The following TENT4A variants were observed in gnomAD, a reference collection of about 807,000 sequenced individuals.
TENT4A encodes the protein terminal nucleotidyltransferase 4A, also known as DNA polymerase kappa.
A neutral mutation model predicts 72.8 loss-of-function variants in TENT4A; 7 were observed. The ratio of observed to expected loss-of-function variants is 0.10; its 90% confidence interval spans 0.05 to 0.18. TENT4A has a LOEUF of 0.18. Among genes scored for constraint, TENT4A ranks in the 10% least tolerant of loss-of-function variants. TENT4A has a pLI of 1.00. For synonymous variants in TENT4A, 456 were observed against 434.3 expected (o/e 1.05, Z -0.62); for missense variants, 831 against 1,017.7 (o/e 0.82, Z 2.50).
chr5:6,739,680 G>A, intron 3 of TENT4A, 52 bp from the exon 4 acceptor site: 3 of 1,607,846 alleles, frequency 1.9e-6, no homozygotes, highest in Non-Finnish European at 2.6e-6. Context: ...CCACACGAGT[G>A]TGTAGGCTGT....
At chr5:6,717,892 T>A (rs1740465109) in intron 1 of TENT4A, among the ~76,000 whole-genome samples, 1 of 152,208 alleles carries the variant, frequency 6.6e-6, no homozygotes, top group African/African-American at 2.4e-5. Flanking sequence ...GAGTCTTGCA[T>A]AAGTGAGAGT....
rs545061609 is a variant in TENT4A, at chr5:6,755,531, G to A, written c.*586G>A. On this transcript the variant is annotated 3_prime_UTR_variant, in exon 13 of 13. Coordinates refer to ENST00000230859, the MANE Select transcript of TENT4A (RefSeq NM_006999.6). The stretch of plus-strand genomic sequence containing the variant: ...AGGGAATTTTTTTTAAACAAGCTTA[G>A]GTCCTTTCCCGAGCTGCATTTTCTA... 6.5e-6 allele frequency: 1 copy of A among 152,758 alleles called. No individual in the cohort carries two copies. The highest frequency in any genetic ancestry group is 6.5e-5 in the Admixed American group (1 of 15,312). 9.5% of individuals were successfully genotyped at this position (152,758 alleles called of 1,614,324 possible).
At chr5:6,722,440 T>TG (rs1241414821) in intron 1 of TENT4A, among the ~76,000 whole-genome samples, 1 of 151,638 alleles carries the variant, frequency 6.6e-6, no homozygotes, top group Non-Finnish European at 1.5e-5. Context: ...GTCTTGGGAG[T>TG]GGGGGGCTAG....
chr5:6,740,847 C>T (rs1385743273), intron 4 of TENT4A, among the ~76,000 whole-genome samples: 2 of 152,240 alleles, frequency 1.3e-5, no homozygotes, highest in African/African-American at 4.8e-5. Context: ...TTCTCAAATG[C>T]TTACGGGCCT....
intron 9 of TENT4A, 115 bp downstream of exon 9, chr5:6,749,772 G>C (rs755392056): frequency 1.0e-4 from 72 of 702,216 alleles, no homozygotes; most frequent in Non-Finnish European, 1.8e-4. Context: ...TAGTTTTTCT[G>C]ATGAGCATTA....
chr5:6,714,012 C>T lies in TENT4A; in HGVS notation c.29C>T (p.Pro10Leu). The T allele has an allele frequency of 2.0e-6, 2 of 983,442 alleles. No individual in the cohort carries two copies. The highest frequency in any genetic ancestry group is 1.8e-5 in the African/African-American group (1 of 56,684). 60.9% of individuals were successfully genotyped at this position (983,442 alleles called of 1,614,324 possible). A position where few individuals can be genotyped will look rare whatever the true frequency, so the allele number is the denominator to read the frequency against. Residue 10 changes from proline to leucine, a missense_variant, in exon 1 of 13, where the codon CCC (proline) becomes CTC (leucine). By Grantham distance (98) the Pro-to-Leu change is moderately conservative (BLOSUM62 -3). This residue lies in a region of TENT4A where 302 missense variants were observed against 293.8 expected (regional missense o/e 1.03). Transcript: ENST00000230859. Reference sequence around the variant, plus strand: ...GATCCGCGCGTGGCCTGGATCCAGCCCGAGCAGAAGGGGCCGGCCAATGCC... The same window carrying T: ...GATCCGCGCGTGGCCTGGATCCAGCTCGAGCAGAAGGGGCCGGCCAATGCC... The part of the protein sequence containing the change: MDPRVAWIQ[P>L]EQKGPANALW...
At chr5:6,721,010 A>T (rs1740622054) in intron 1 of TENT4A, among the ~76,000 whole-genome samples, 1 of 152,198 alleles carries the variant, frequency 6.6e-6, no homozygotes, top group African/African-American at 2.4e-5. Flanking sequence ...TAGGAGGCAC[A>T]AGAAAACTCC....
At position 6,714,490 on chromosome 5, in the gene TENT4A, G is replaced by T; in HGVS notation, c.507G>T (p.Pro169=). 8.4e-7 allele frequency: 1 copy of T among 1,184,096 alleles called. No individual in the cohort carries two copies. Among genetic ancestry groups the T allele is most frequent in the African/African-American group, 1.6e-5 (1 of 62,174 alleles). 73.3% of individuals were successfully genotyped at this position (1,184,096 alleles called of 1,614,324 possible). Residue 169 remains proline (P), a synonymous_variant, in exon 1 of 13, where the codon CCG becomes CCT. Coordinates refer to ENST00000230859, the MANE Select transcript of TENT4A (RefSeq NM_006999.6). ...APGTANGHPG[P]RGPAPAGSPS... is the part of the protein sequence containing the mutation. ...GCACAGCCAACGGGCACCCCGGGCC[G>T]CGCGGCCCCGCGCCCGCCGGCTCCC...
chr5:6,746,099 T>C, intron 6 of TENT4A, 115 bp from the exon 7 acceptor site: 1 of 1,557,720 alleles, frequency 6.4e-7, no homozygotes, highest in East Asian at 2.3e-5. Context: ...AGTGAGCGAG[T>C]GCCACTCACT....
intron 1 of TENT4A, among the ~76,000 whole-genome samples, chr5:6,720,158 A>G (rs1365903885): frequency 6.6e-6 from 1 of 152,164 alleles, no homozygotes; most frequent in Admixed American, 6.5e-5. Flanking sequence ...AGCTGGAGGA[A>G]GCCCCCTGTT....
chr5:6,738,880 GA>G, intron 3 of TENT4A, 151 bp downstream of exon 3: 1 of 674,260 alleles, frequency 1.5e-6, no homozygotes, highest in South Asian at 1.8e-5. Context: ...GAAATTGGCA[GA>G]AAGATTTAAT....
rs913905900 is a variant in TENT4A, at chr5:6,731,676, A to C, written c.717-5834A>C. ...CCACATCAGCCTCCTGACTAGCTGG[A>C]CTGCAGGCCTGGGCCAAAACTCCTG... On this transcript the variant is annotated intron_variant, in intron 1 of 12. Coordinates refer to ENST00000230859, the MANE Select transcript of TENT4A (RefSeq NM_006999.6). Among the ~76,000 whole-genome samples the C allele has an allele frequency of 4.6e-5, 7 of 152,010 alleles. No homozygotes were observed. In the South Asian group the frequency reaches 1.0e-3, roughly 23 times the overall value.
rs566758629 is a variant in TENT4A at position 6,754,849 on chromosome 5, G to A, written c.2283G>A (p.Val761=). Reference sequence around the variant, plus strand: ...GTAGCGGAGGTGTGCGGCCCCCTGTGGGCAACAGGGGACACCACCAGTATA... The same window carrying A: ...GTAGCGGAGGTGTGCGGCCCCCTGTAGGCAACAGGGGACACCACCAGTATA... ...SVGSGGVRPP[V]GNRGHHQYNR... Residue 761 remains valine (V), a synonymous_variant, in exon 13 of 13, where the codon GTG becomes GTA. Transcript: ENST00000230859. 2.5e-5 allele frequency: 41 copies of A among 1,610,288 alleles called. No individual in the cohort carries two copies. In the South Asian group the frequency reaches 3.3e-4, roughly 13 times the overall value.
rs1468308871 is a variant in TENT4A, at chr5:6,714,640, C to T, written c.657C>T (p.Ala219=). ...TCAGCGGAGGGGGCGGCCCCGGGGC[C>T]CAGGCGCCGCGGCCCGGCACCCCGT... The part of the protein sequence containing the change: ...AALSGGGGPG[A]QAPRPGTPWK... The change falls in exon 1 of 13, where the codon GCC becomes GCT. Residue 219 remains alanine (A), a synonymous_variant. Coordinates refer to ENST00000230859, the MANE Select transcript of TENT4A (RefSeq NM_006999.6). 6 of 1,199,140 alleles carry T rather than the reference C, an allele frequency of 5.0e-6. No individual in the cohort carries two copies. The South Asian group carries it at 1.7e-4, about 33-fold the overall frequency. The allele number at this position is 1,199,140 out of a possible 1,614,324, so 74.3% of individuals were successfully genotyped here.
At chr5:6,723,619 C>T (rs79263588) in intron 1 of TENT4A, among the ~76,000 whole-genome samples, 2,722 of 152,280 alleles carry the variant, frequency 0.018, 51 homozygotes, top group Non-Finnish European at 0.022. Context: ...AACAAGACGT[C>T]GCTAACATGC....
chr5:6,743,552 A>G (rs1741936039), intron 5 of TENT4A, among the ~76,000 whole-genome samples, 160 bp from the exon 6 acceptor site: 1 of 152,148 alleles, frequency 6.6e-6, no homozygotes, highest in Non-Finnish European at 1.5e-5. Flanking sequence ...ATTAATTCTT[A>G]GCGTCCCCCA....
At chr5:6,740,607 A>G (rs1347408953) in intron 4 of TENT4A, among the ~76,000 whole-genome samples, 1 of 152,112 alleles carries the variant, frequency 6.6e-6, no homozygotes, top group East Asian at 1.9e-4. Flanking sequence ...TCTCATTGTC[A>G]GGTGCTTTTG....
At chr5:6,716,021 T>C (rs1176074394) in intron 1 of TENT4A, among the ~76,000 whole-genome samples, 1 of 152,184 alleles carries the variant, frequency 6.6e-6, no homozygotes, top group Non-Finnish European at 1.5e-5. Context: ...CAGCCTGTTA[T>C]GTAACTGGAA....
At chr5:6,717,952 G>C (rs922792934) in intron 1 of TENT4A, among the ~76,000 whole-genome samples, 6 of 152,232 alleles carry the variant, frequency 3.9e-5, no homozygotes, top group Non-Finnish European at 7.3e-5. Flanking sequence ...GTGTGTTACA[G>C]AGACCCAGGA....
Sources: gnomAD v4.1 joint callset for allele counts (sites outside exome capture counted in the v4.1 genomes callset) on GRCh38, gnomAD v4.1.1 for gene constraint, gnomAD v4.1.1 regional missense constraint, MANE v1.5 for transcripts, NCBI Gene and HGNC (gene_info 2026-07-23, HGNC 2026-07-21) for gene names.